Variants in HMBOX1 observed in about 807,000 individuals in gnomAD.
The protein encoded by HMBOX1 is homeobox-containing protein 1.
HMBOX1 carries 14 observed loss-of-function variants against 54.5 expected under a neutral mutation model. That is an observed-to-expected ratio of 0.26 (90% CI 0.17 to 0.40). The LOEUF (loss-of-function observed/expected upper bound fraction) is 0.40. Among genes scored for constraint, HMBOX1 ranks in the 10% least tolerant of loss-of-function variants. HMBOX1 has a pLI of 1.00. For missense variants in HMBOX1, 332 were observed against 514.4 expected, an observed-to-expected ratio of 0.65 and a Z score of 3.43; for synonymous variants, 160 against 181.0, an observed-to-expected ratio of 0.88 and a Z score of 0.93.
At chr8:28,930,429 C>T (rs1048219743) in intron 1 of HMBOX1, among the ~76,000 whole-genome samples, 4 of 152,170 alleles carry the variant, frequency 2.6e-5, no homozygotes, top group African/African-American at 9.7e-5. Flanking sequence ...AGTATTCCAT[C>T]TTAGACGTGT....
Position 29,009,191 on chromosome 8 carries a change from C to A in HMBOX1, c.697+9C>A, listed in dbSNP as rs753400363. 4 of 1,583,064 alleles carry A rather than the reference C, an allele frequency of 2.5e-6. No individual in the cohort carries two copies. Among genetic ancestry groups the A allele is most frequent in the Non-Finnish European group, 3.5e-6 (4 of 1,152,122 alleles). Reference sequence around the variant, plus strand: ...TGAGAAGACAAACCCTGGTAAATAGCATTTCCTTTTATTTATTGCATCTGA... The same window carrying A: ...TGAGAAGACAAACCCTGGTAAATAGAATTTCCTTTTATTTATTGCATCTGA... On this transcript the variant is annotated intron_variant, in intron 5 of 9. Coordinates refer to ENST00000287701, the MANE Select transcript of HMBOX1 (RefSeq NM_001135726.3).
At chr8:28,899,482 T>C (rs1812798047) in intron 1 of HMBOX1, among the ~76,000 whole-genome samples, 1 of 152,202 alleles carries the variant, frequency 6.6e-6, no homozygotes, top group Non-Finnish European at 1.5e-5. Context: ...CATTCATCCC[T>C]GACAAGAAAA....
chr8:28,963,833 C>T lies in HMBOX1; in HGVS notation c.-35C>T, dbSNP rs767323424. 1.3e-6 allele frequency: 2 copies of T among 1,564,146 alleles called. No homozygotes were observed. The highest frequency in any genetic ancestry group is 2.3e-5 in the South Asian group (2 of 86,234). On this transcript the variant is annotated 5_prime_UTR_variant, in exon 2 of 10. Transcript: ENST00000287701. ...CAGAATGGTAGATAACGCAGATCATCTCTGGAAAGGATATTGATCCGCCTC... is the reference window on the plus strand; with the variant it reads ...CAGAATGGTAGATAACGCAGATCATTTCTGGAAAGGATATTGATCCGCCTC...
At position 29,021,583 on chromosome 8, in the gene HMBOX1, C is replaced by T. The variant is rs1801165618; in HGVS notation, c.851+2670C>T. 1.3e-5 allele frequency among the ~76,000 whole-genome samples: 2 copies of T among 151,922 alleles called. 1 individual carries two copies. Among genetic ancestry groups the T allele is most frequent in the South Asian group, 4.2e-4 (2 of 4,816 alleles). On this transcript the variant is annotated intron_variant, in intron 6 of 9. Transcript: ENST00000287701. ...GAAAATATGCTCAATCGGCCAGGCG[C>T]GGTGGCTCATGTCTGTAATCCCAGC...
intron 1 of HMBOX1, among the ~76,000 whole-genome samples, chr8:28,926,114 C>A (rs950570537): frequency 1.2e-4 from 18 of 151,958 alleles, no homozygotes; most frequent in African/African-American, 3.9e-4. Flanking sequence ...GACTGGGCAA[C>A]ATGGCAAAAC....
At chr8:28,968,126 A>T (rs935167647) in intron 2 of HMBOX1, among the ~76,000 whole-genome samples, 1 of 152,246 alleles carries the variant, frequency 6.6e-6, no homozygotes, top group Non-Finnish European at 1.5e-5. Flanking sequence ...AGCATTTCAC[A>T]TCGGAGGAGA....
At chr8:28,893,091 C>G (rs1811363196) in intron 1 of HMBOX1, among the ~76,000 whole-genome samples, 1 of 152,056 alleles carries the variant, frequency 6.6e-6, no homozygotes, top group African/African-American at 2.4e-5. Flanking sequence ...TTTGTTTTGT[C>G]TATAGAAGTG....
At chr8:28,952,741 A>G (rs1823705497) in intron 1 of HMBOX1, among the ~76,000 whole-genome samples, 1 of 152,214 alleles carries the variant, frequency 6.6e-6, no homozygotes. Context: ...GAAGTGTAGG[A>G]AAGGCTACAC....
At chr8:28,943,850 C>G (rs1409098916) in intron 1 of HMBOX1, among the ~76,000 whole-genome samples, 1 of 152,160 alleles carries the variant, frequency 6.6e-6, no homozygotes, top group African/African-American at 2.4e-5. Context: ...ATTACAAAGT[C>G]AGTGGTGACA....
chr8:28,970,751 C>G lies in HMBOX1; in HGVS notation c.500+232C>G, dbSNP rs79662002. On this transcript the variant is annotated intron_variant, in intron 3 of 9. Transcript: ENST00000287701. The surrounding 1 kb of genome is among the most constrained non-coding windows in gnomAD (Gnocchi z 4.3). ...TCAGCCCTTTCTCTTTGCTGCTTGA[C>G]AAGCCTTTTCCATTCTGTTTATCAA... 4,214 of 428,824 alleles carry G rather than the reference C, an allele frequency of 9.8e-3. 58 individuals are homozygous for G. The highest frequency in any genetic ancestry group is 0.04 in the African/African-American group (2,016 of 50,178). 26.6% of individuals were successfully genotyped at this position (428,824 alleles called of 1,614,324 possible). A position where few individuals can be genotyped will look rare whatever the true frequency, so the allele number is the denominator to read the frequency against.
At chr8:29,019,720 C>T (rs1404894800) in intron 6 of HMBOX1, among the ~76,000 whole-genome samples, 1 of 152,200 alleles carries the variant, frequency 6.6e-6, no homozygotes, top group Non-Finnish European at 1.5e-5. Flanking sequence ...GTTTAGGTCA[C>T]AAACTCTCAG....
At position 28,970,157 on chromosome 8, in the gene HMBOX1, C is replaced by G. The variant is rs150056601; in HGVS notation, c.138C>G (p.Ala46=). The G allele has an allele frequency of 1.2e-6, 2 of 1,614,092 alleles. No individual in the cohort carries two copies. Among genetic ancestry groups the G allele is most frequent in the Non-Finnish European group, 8.5e-7 (1 of 1,180,002 alleles). Residue 46 remains alanine, a synonymous_variant, in exon 3 of 10, where the codon GCC becomes GCG. Coordinates refer to ENST00000287701, the MANE Select transcript of HMBOX1 (RefSeq NM_001135726.3). The surrounding 1 kb of genome is among the most constrained non-coding windows in gnomAD (Gnocchi z 4.3). Reference sequence around the variant, plus strand: ...TGACTAAACATGAAATTCTCCATGCCTTGGAAACTTTGGACCGTCTTGATC... The same window carrying G: ...TGACTAAACATGAAATTCTCCATGCGTTGGAAACTTTGGACCGTCTTGATC... The part of the protein sequence containing the change: ...TGMTKHEILH[A]LETLDRLDQE...
At chr8:28,900,522 T>A (rs1338843736) in intron 1 of HMBOX1, among the ~76,000 whole-genome samples, 1 of 151,982 alleles carries the variant, frequency 6.6e-6, no homozygotes, top group African/African-American at 2.4e-5. Flanking sequence ...GCCTGCCTCA[T>A]ATTAAACACT....
chr8:28,945,216 A>G (rs1165575167), intron 1 of HMBOX1, among the ~76,000 whole-genome samples: 2 of 152,208 alleles, frequency 1.3e-5, no homozygotes, highest in African/African-American at 4.8e-5. Context: ...AGCTTCTTCT[A>G]CTGTATCTTT....
intron 1 of HMBOX1, among the ~76,000 whole-genome samples, chr8:28,914,828 A>C (rs1404767317): frequency 6.6e-6 from 1 of 152,376 alleles, no homozygotes; most frequent in Middle Eastern, 3.4e-3. Flanking sequence ...AATGGAAATG[A>C]AATGCTTTAT....
chr8:29,034,986 A>C (rs1260934523), intron 6 of HMBOX1, among the ~76,000 whole-genome samples: 1 of 152,204 alleles, frequency 6.6e-6, no homozygotes, highest in Non-Finnish European at 1.5e-5. Context: ...GTTTAAGAAA[A>C]AGTAATAAGT....
rs540965220 is a variant in HMBOX1, at chr8:28,980,906, T to C, written c.586+750T>C. ...TTGTAGTTGCAACATTGTTGTACTT[T>C]GCATATTGATAGATATAAAAATTAA... is the stretch of plus-strand genomic sequence containing the variant. On this transcript the variant is annotated intron_variant, in intron 4 of 9. Transcript: ENST00000287701. 2.8e-4 allele frequency among the ~76,000 whole-genome samples: 43 copies of C among 152,292 alleles called. No individual in the cohort carries two copies. In the East Asian group the frequency reaches 6.7e-3, roughly 24 times the overall value.
At chr8:28,999,393 A>G (rs559585951) in intron 4 of HMBOX1, among the ~76,000 whole-genome samples, 159 of 152,288 alleles carry the variant, frequency 1.0e-3, no homozygotes, top group African/African-American at 3.6e-3. Context: ...CTACCTGAAG[A>G]TCATTGAGCT....
intron 1 of HMBOX1, among the ~76,000 whole-genome samples, chr8:28,906,871 C>T (rs568511057): frequency 5.3e-5 from 8 of 152,092 alleles, no homozygotes; most frequent in Non-Finnish European, 1.0e-4. Flanking sequence ...GGATTACAGG[C>T]GTGAGCCACC....
Sources: allele counts gnomAD v4.1 joint callset (sites outside exome capture counted in the v4.1 genomes callset), GRCh38; gene constraint gnomAD v4.1.1; non-coding constraint Gnocchi (gnomAD v3.1); transcripts MANE v1.5; gene names NCBI Gene and HGNC (gene_info 2026-07-23, HGNC 2026-07-21).